HAP1: variants seen among roughly 807,000 people sequenced by gnomAD.
HAP1 encodes the protein huntingtin-associated protein 1.
HAP1 carries 59 observed loss-of-function variants against 60.3 expected under a neutral mutation model. That is an observed-to-expected ratio of 0.98 (90% confidence interval 0.79 to 1.22). HAP1 has a LOEUF of 1.22. Ranked by LOEUF, HAP1 falls within the 50% of genes most tolerant of loss-of-function variation. The probability of loss-of-function intolerance (pLI) is 0.00; values close to 1 mark genes in which losing one functional copy is unlikely to be tolerated. For synonymous variants in HAP1, 346 were observed against 330.6 expected, an observed-to-expected ratio of 1.05 and a Z score of -0.50; for missense variants, 825 against 785.3, an observed-to-expected ratio of 1.05 and a Z score of -0.60.
In HAP1 at chr17:41,734,295, C is replaced by A. The variant is rs1322360889; in HGVS notation, c.340G>T (p.Gly114Cys). 6 of 1,609,128 alleles carry A rather than the reference C, an allele frequency of 3.7e-6. No individual in the cohort carries two copies. The highest frequency in any genetic ancestry group is 5.1e-6 in the Non-Finnish European group (6 of 1,177,818). Residue 114 changes from glycine to cysteine, a missense_variant, in exon 1 of 11, where the codon GGT becomes TGT. Physicochemically the swap from Gly to Cys is radical, Grantham distance 159 (BLOSUM62 -3). Transcript: ENST00000347901. ...WTRFVFQGPF[G>C]SRATGRGTGK... is the part of the protein sequence containing the mutation. The stretch of plus-strand genomic sequence containing the variant: ...GTCCCCCGGCCAGTGGCCCGGGAAC[C>A]AAACGGCCCTTGGAATACGAAGCGG...
In HAP1 at chr17:41,734,180, C is replaced by G; in HGVS notation, c.455G>C (p.Arg152Pro). ...GCCCGATTTACCTTCCTCCAGCTCC[C>G]GAATAAAGGCGGCGCGCTCAGGGCC... ...VSGPERAAFIRELEEALCPNL... is the reference protein window; with the variant it reads ...VSGPERAAFIPELEEALCPNL... The change falls in exon 1 of 11, where the codon CGG becomes CCG. Residue 152 changes from arginine to proline, a missense_variant. Coordinates refer to ENST00000347901, the MANE Select transcript of HAP1 (RefSeq NM_177977.3). 2 of 1,583,986 alleles carry G rather than the reference C, an allele frequency of 1.3e-6. No homozygotes were observed. Among genetic ancestry groups the G allele is most frequent in the Non-Finnish European group, 1.7e-6 (2 of 1,159,194 alleles).
In HAP1 at chr17:41,734,468, G is replaced by A; in HGVS notation, c.167C>T (p.Ser56Phe). 2 of 1,611,442 alleles carry A rather than the reference G, an allele frequency of 1.2e-6. No homozygotes were observed. The highest frequency in any genetic ancestry group is 1.7e-6 in the Non-Finnish European group (2 of 1,178,928). Residue 56 changes from serine to phenylalanine, a missense_variant, in exon 1 of 11, where the codon TCT (serine) becomes TTT (phenylalanine). Physicochemically the swap from Ser to Phe is radical, Grantham distance 155 (BLOSUM62 -2). Coordinates refer to ENST00000347901, the MANE Select transcript of HAP1 (RefSeq NM_177977.3). ...GGCTTCCGAGAGGAACTGGGATCCAGAGGTGGCTCGGGATCCTACTCTCTG... is the reference window on the plus strand; with the variant it reads ...GGCTTCCGAGAGGAACTGGGATCCAAAGGTGGCTCGGGATCCTACTCTCTG... ...TGQRVGSRAT[S>F]GSQFLSEART...
chr17:41,731,278 T>C (rs1912169447), intron 6 of HAP1, among the ~76,000 whole-genome samples: 1 of 152,188 alleles, frequency 6.6e-6, no homozygotes, highest in Non-Finnish European at 1.5e-5. Flanking sequence ...GTTGACACTC[T>C]TAATCTTCAT....
At chr17:41,726,776 T>C (rs781890340) in intron 9 of HAP1, among the ~76,000 whole-genome samples, 17 of 151,644 alleles carry the variant, frequency 1.1e-4, no homozygotes, top group African/African-American at 4.1e-4. Context: ...AGCAGGAGAA[T>C]TGCTTGAACC....
At position 41,734,623 on chromosome 17, in the gene HAP1, C is replaced by T. The variant is rs782436213; in HGVS notation, c.12G>A (p.Lys4=). 51 of 1,533,540 alleles carry T rather than the reference C, an allele frequency of 3.3e-5. No individual in the cohort carries two copies. Among genetic ancestry groups the T allele is most frequent in the Middle Eastern group, 1.8e-4 (1 of 5,516 alleles). 95.0% of individuals were successfully genotyped at this position (1,533,540 alleles called of 1,614,324 possible). Residue 4 remains lysine (K), a synonymous_variant, in exon 1 of 11, where the codon AAG becomes AAA. Coordinates refer to ENST00000347901, the MANE Select transcript of HAP1 (RefSeq NM_177977.3). The stretch of plus-strand genomic sequence containing the variant: ...TCCCCGCGCAGCACCGGCCCAACCT[C>T]TTCGGGCGCATCTCGAGTCTGCCGT... The part of the protein sequence containing the change: MRP[K]RLGRCCAGSR...
chr17:41,721,219 T>C (rs928174535), downstream of HAP1: 26 of 152,328 alleles, frequency 1.7e-4, no homozygotes, highest in African/African-American at 6.3e-4. Context: ...TGTGTTTTAT[T>C]TTTACTATTC....
At chr17:41,729,237 G>A (rs781683015) in intron 6 of HAP1, among the ~76,000 whole-genome samples, 65 of 149,784 alleles carry the variant, frequency 4.3e-4, no homozygotes, top group South Asian at 1.3e-3. Context: ...CACTGCACCC[G>A]GCTACTTGTT....
At chr17:41,729,194 G>A (rs1460489045) in intron 6 of HAP1, among the ~76,000 whole-genome samples, 1 of 150,826 alleles carries the variant, frequency 6.6e-6, no homozygotes, top group African/African-American at 2.4e-5. Context: ...ACCTGCCTCT[G>A]CCTCCCAAAG....
At position 41,734,429 on chromosome 17, in the gene HAP1, C is replaced by G; in HGVS notation, c.206G>C (p.Arg69Pro). Reference sequence around the variant, plus strand: ...CTTGGCTCCAGCCTCCGAGGCCGGGCGAGCTCCGGTGCGGGCTTCCGAGAG... The same window carrying G: ...CTTGGCTCCAGCCTCCGAGGCCGGGGGAGCTCCGGTGCGGGCTTCCGAGAG... ...QFLSEARTGARPASEAGAKAG... is the reference protein window; with the variant it reads ...QFLSEARTGAPPASEAGAKAG... The change falls in exon 1 of 11, where the codon CGC becomes CCC. Residue 69 changes from arginine (R) to proline (P), a missense_variant. Coordinates refer to ENST00000347901, the MANE Select transcript of HAP1 (RefSeq NM_177977.3). 1 of 1,608,894 alleles carries G rather than the reference C, an allele frequency of 6.2e-7. No homozygotes were observed. The highest frequency in any genetic ancestry group is 8.5e-7 in the Non-Finnish European group (1 of 1,176,890).
chr17:41,723,022 G>T lies in HAP1; in HGVS notation c.*1679C>A, dbSNP rs1175090037. 6.6e-6 allele frequency: 1 copy of T among 152,452 alleles called. No individual in the cohort carries two copies. Among genetic ancestry groups the T allele is most frequent in the African/African-American group, 2.4e-5 (1 of 41,454 alleles). 9.4% of individuals were successfully genotyped at this position (152,452 alleles called of 1,614,324 possible). ...AGAAGAAAGGATGAAGAACAGGGAAGACAGCCAGGTCCCTCAAGTCAACAA... is the reference window on the plus strand; with the variant it reads ...AGAAGAAAGGATGAAGAACAGGGAATACAGCCAGGTCCCTCAAGTCAACAA... On this transcript the variant is annotated 3_prime_UTR_variant, in exon 11 of 11. Coordinates refer to ENST00000347901, the MANE Select transcript of HAP1 (RefSeq NM_177977.3).
Position 41,724,526 on chromosome 17 carries a change from G to A in HAP1, c.*175C>T, listed in dbSNP as rs1156423998. On this transcript the variant is annotated 3_prime_UTR_variant, in exon 11 of 11. Coordinates refer to ENST00000347901, the MANE Select transcript of HAP1 (RefSeq NM_177977.3). ...CCCAGCCCCCAGGAGAAAAGTGGAT[G>A]GAGATCTGGAATCCTAAGCAAATGC... 4.2e-5 allele frequency: 25 copies of A among 602,046 alleles called. 1 individual carries two copies. The South Asian group carries it at 5.1e-4, about 12-fold the overall frequency. 37.3% of individuals were successfully genotyped at this position (602,046 alleles called of 1,614,324 possible).
At chr17:41,718,330 C>T (rs1911064191), downstream of HAP1, 1 of 189,734 alleles carries the variant, frequency 5.3e-6, no homozygotes. Context: ...CCAAGGGTGG[C>T]TAACTGTGTG....
chr17:41,729,549 CAAAAAAAAAAA>C (rs1162563636), intron 6 of HAP1, among the ~76,000 whole-genome samples: 34,410 of 62,652 alleles, frequency 0.55, 9,645 homozygotes, highest in South Asian at 0.8. Context: ...GCCTCCTTCT[CAAAAAAAAAAA>C]AAAAAAAAAA....
Position 41,732,777 on chromosome 17 carries a change from G to A in HAP1, c.491C>T (p.Pro164Leu), listed in dbSNP as rs782134853. ...LEEALCPNLP[P>L]PVKKITQEDV... ...TTCCTGGGTGATCTTTTTGACTGGC[G>A]GAGGTAGGTTAGGACACAGTGCTGC... is the stretch of plus-strand genomic sequence containing the variant. The change falls in exon 2 of 11, where the codon CCG (proline) becomes CTG (leucine). Residue 164 changes from proline to leucine, a missense_variant. By Grantham distance (98) the Pro-to-Leu change is moderately conservative. Transcript: ENST00000347901. 3.0e-5 allele frequency: 48 copies of A among 1,611,744 alleles called. No individual in the cohort carries two copies. Among genetic ancestry groups the A allele is most frequent in the East Asian group, 8.9e-5 (4 of 44,868 alleles).
At position 41,727,839 on chromosome 17, in the gene HAP1, G is replaced by C. The variant is rs4796601; in HGVS notation, c.1201-3C>G. 1,263,932 of 1,586,564 alleles carry C rather than the reference G, an allele frequency of 0.8. 505,041 individuals carry two copies. The highest frequency in any genetic ancestry group is 0.88 in the East Asian group (39,500 of 44,776). ...AACTTTTCAGTCTCAGCCCCATACT[G>C]GAAGGACCCAAAACCAGTGAACCCC... On this transcript the variant is annotated splice_region_variant and splice_polypyrimidine_tract_variant and intron_variant, in intron 7 of 10. Transcript: ENST00000347901.
intron 1 of HAP1, among the ~76,000 whole-genome samples, chr17:41,733,596 G>A (rs897332905): frequency 1.3e-5 from 2 of 151,934 alleles, no homozygotes; most frequent in Non-Finnish European, 2.9e-5. Context: ...GTGTGCAGAG[G>A]ACAGGAGGAA....
chr17:41,734,626 C>T lies in HAP1; in HGVS notation c.9G>A (p.Pro3=). Residue 3 remains proline, a synonymous_variant, in exon 1 of 11, where the codon CCG becomes CCA. Transcript: ENST00000347901. The stretch of plus-strand genomic sequence containing the variant: ...CCGCGCAGCACCGGCCCAACCTCTT[C>T]GGGCGCATCTCGAGTCTGCCGTCCG... MR[P]KRLGRCCAGS... is the part of the protein sequence containing the mutation. 2 of 1,515,220 alleles carry T rather than the reference C, an allele frequency of 1.3e-6. No individual in the cohort carries two copies. The highest frequency in any genetic ancestry group is 8.8e-7 in the Non-Finnish European group (1 of 1,133,622). 93.9% of individuals were successfully genotyped at this position (1,515,220 alleles called of 1,614,324 possible).
At chr17:41,730,464 A>C (rs576151424) in intron 6 of HAP1, 1 of 152,332 alleles carries the variant, frequency 6.6e-6, no homozygotes, top group African/African-American at 2.4e-5. Flanking sequence ...GTAGGGCGCG[A>C]GTAGAGGCAG....
Position 41,731,574 on chromosome 17 carries a change from A to G in HAP1, c.1003-15T>C. 1 of 1,609,390 alleles carries G rather than the reference A, an allele frequency of 6.2e-7. No homozygotes were observed. Among genetic ancestry groups the G allele is most frequent in the Non-Finnish European group, 8.5e-7 (1 of 1,175,668 alleles). Reference sequence around the variant, plus strand: ...AGTTGAGAGGCCTGGAGGGAGACAAAGAGGAAGGGACAGGGAAGTCAACAC... The same window carrying G: ...AGTTGAGAGGCCTGGAGGGAGACAAGGAGGAAGGGACAGGGAAGTCAACAC... On this transcript the variant is annotated splice_polypyrimidine_tract_variant and intron_variant, in intron 5 of 10. Coordinates refer to ENST00000347901, the MANE Select transcript of HAP1 (RefSeq NM_177977.3).
Sources: allele counts gnomAD v4.1 joint callset (sites outside exome capture counted in the v4.1 genomes callset), GRCh38; gene constraint gnomAD v4.1.1; transcripts MANE v1.5; gene names NCBI Gene and HGNC (gene_info 2026-07-23, HGNC 2026-07-21).